Variants in GALNT9 observed in about 807,000 individuals in gnomAD.
GALNT9 encodes the protein polypeptide N-acetylgalactosaminyltransferase 9.
In GALNT9, 47 loss-of-function variants were observed where a neutral mutation model predicts 63.1. The observed-to-expected ratio is 0.75, with a 90% CI of 0.59 to 0.95. The LOEUF (loss-of-function observed/expected upper bound fraction) is 0.95, where lower values mean the gene tolerates loss of function less well. Ranked by LOEUF, GALNT9 falls within the 40% of genes least tolerant of loss-of-function variation. GALNT9 has a pLI of 0.00. For synonymous variants in GALNT9, 396 were observed against 365.7 expected (o/e 1.08, Z -0.94); for missense variants, 829 against 874.8 (o/e 0.95, Z 0.66).
intron 4 of GALNT9, among the ~76,000 whole-genome samples, chr12:132,259,471 C>A (rs924386677): frequency 1.3e-5 from 2 of 152,196 alleles, no homozygotes; most frequent in Non-Finnish European, 2.9e-5. Flanking sequence ...AAGGAAAGCG[C>A]CCTGCGGAGG....
chr12:132,287,239 C>A (rs1017571410), intron 1 of GALNT9, among the ~76,000 whole-genome samples: 1 of 152,348 alleles, frequency 6.6e-6, no homozygotes, highest in East Asian at 1.9e-4. Flanking sequence ...CACACACGTT[C>A]ACGCCCAGGC....
At chr12:132,203,806 A>C in intron 6 of GALNT9, 116 bp from the exon 7 acceptor site, 3 of 1,110,404 alleles carry the variant, frequency 2.7e-6, no homozygotes, top group Admixed American at 2.7e-5. Flanking sequence ...GGGCACCCCC[A>C]CCACCGACGG....
rs1335040003 is a variant in GALNT9 at position 132,315,121 on chromosome 12, G to A, written c.238+13845C>T. Among the ~76,000 whole-genome samples, 4 of 152,200 alleles carry A rather than the reference G, an allele frequency of 2.6e-5. No individual in the cohort carries two copies. Among genetic ancestry groups the A allele is most frequent in the South Asian group, 2.1e-4 (1 of 4,830 alleles). On this transcript the variant is annotated intron_variant, in intron 1 of 10. Transcript: ENST00000328957. This position sits in a 1 kb window ranked among gnomAD's most constrained non-coding sequence, Gnocchi z 6.1. ...TGGCCCAGGGGGAGGTGGTGGGGCC[G>A]GGCTCTGAGTCCAGGCGGCCCAGCG...
At chr12:132,262,646 G>A in intron 2 of GALNT9, 21 bp from the exon 3 acceptor site, 1 of 1,502,970 alleles carries the variant, frequency 6.7e-7, no homozygotes, top group Non-Finnish European at 9.0e-7. Context: ...CACGGTTTGG[G>A]GTGCGGTCAG....
At chr12:132,239,337 GTCAGAGAC>G (rs1878130434) in intron 6 of GALNT9, among the ~76,000 whole-genome samples, 1 of 71,784 alleles carries the variant, frequency 1.4e-5, no homozygotes, top group Non-Finnish European at 2.6e-5. Flanking sequence ...GAGAGACAGA[GTCAGAGAC>G]AGAGTCAGAG....
At chr12:132,292,416 A>T (rs1555242872) in intron 1 of GALNT9, among the ~76,000 whole-genome samples, 3 of 152,154 alleles carry the variant, frequency 2.0e-5, no homozygotes, top group African/African-American at 7.2e-5. Flanking sequence ...AGAGATGCCG[A>T]GCCACAGACA....
At chr12:132,309,005 C>T (rs962771849) in intron 1 of GALNT9, among the ~76,000 whole-genome samples, 6 of 152,214 alleles carry the variant, frequency 3.9e-5, no homozygotes, top group African/African-American at 7.2e-5. Flanking sequence ...CTGACAACCC[C>T]GCCCCTCTGC....
chr12:132,238,117 C>T lies in GALNT9; in HGVS notation c.1077+9793G>A, dbSNP rs1175561715. Among the ~76,000 whole-genome samples, 1 of 152,194 alleles carries T rather than the reference C, an allele frequency of 6.6e-6. No homozygotes were observed. Among genetic ancestry groups the T allele is most frequent in the Non-Finnish European group, 1.5e-5 (1 of 68,036 alleles). ...CGCCACGAATTCCACAGCTCGGTGGCTTGAAGGACATAGTCATGACCTTAC... is the reference window on the plus strand; with the variant it reads ...CGCCACGAATTCCACAGCTCGGTGGTTTGAAGGACATAGTCATGACCTTAC... On this transcript the variant is annotated intron_variant, in intron 6 of 10. Transcript: ENST00000328957. This position sits in a 1 kb window ranked among gnomAD's most constrained non-coding sequence, Gnocchi z 6.5.
At chr12:132,311,404 A>C (rs1881808402) in intron 1 of GALNT9, among the ~76,000 whole-genome samples, 3 of 152,170 alleles carry the variant, frequency 2.0e-5, no homozygotes, top group African/African-American at 7.2e-5. Context: ...CAGCACGGGC[A>C]GGGGCAGCAG....
At chr12:132,293,195 G>A (rs1269154957) in intron 1 of GALNT9, among the ~76,000 whole-genome samples, 1 of 152,216 alleles carries the variant, frequency 6.6e-6, no homozygotes, top group African/African-American at 2.4e-5. Context: ...AGGCTGCAGG[G>A]AAGGGGCCTC....
intron 1 of GALNT9, among the ~76,000 whole-genome samples, chr12:132,299,737 A>C (rs543721200): frequency 2.2e-5 from 3 of 133,462 alleles, no homozygotes; most frequent in African/African-American, 8.5e-5. Flanking sequence ...CATGATAACT[A>C]ACCCACTCCC....
At chr12:132,210,874 T>G (rs1876929581) in intron 6 of GALNT9, among the ~76,000 whole-genome samples, 1 of 148,716 alleles carries the variant, frequency 6.7e-6, no homozygotes, top group Admixed American at 6.7e-5. Flanking sequence ...CATCTGGAGG[T>G]CGCCGTCTGG....
At chr12:132,277,989 G>GC (rs1220911554) in intron 2 of GALNT9, 2 of 38,848 alleles carry the variant, frequency 5.1e-5, no homozygotes, top group Admixed American at 2.2e-4. Context: ...CCCTCCCCCC[G>GC]CCCCGGCCCC....
At chr12:132,244,614 T>G (rs1322122855) in intron 6 of GALNT9, among the ~76,000 whole-genome samples, 1 of 9,682 alleles carries the variant, frequency 1.0e-4, no homozygotes, top group Admixed American at 1.1e-3. Flanking sequence ...CGGGGGGGCG[T>G]GGTGATGGGG....
intron 1 of GALNT9, among the ~76,000 whole-genome samples, chr12:132,302,393 C>T (rs1881331827): frequency 6.6e-6 from 1 of 152,330 alleles, no homozygotes; most frequent in South Asian, 2.1e-4. Flanking sequence ...CTGCCGCCTG[C>T]ATTCTGTTTT....
At chr12:132,213,681 A>G (rs1471641115) in intron 6 of GALNT9, among the ~76,000 whole-genome samples, 1 of 152,206 alleles carries the variant, frequency 6.6e-6, no homozygotes, top group Non-Finnish European at 1.5e-5. Flanking sequence ...GTGAGCACCT[A>G]GGGGTTCTGG....
intron 1 of GALNT9, among the ~76,000 whole-genome samples, chr12:132,291,670 TCCACGGTGCCCACATCCACAGC>T (rs1555242791): frequency 1.0e-5 from 1 of 98,456 alleles, no homozygotes; most frequent in African/African-American, 4.7e-5. Flanking sequence ...ACCGCCCACA[TCCACGGTGCCCACATCCACAGC>T]GCCCACATCC....
At position 132,286,377 on chromosome 12, in the gene GALNT9, C is replaced by A. The variant is rs1156377504; in HGVS notation, c.292G>T (p.Gly98Cys). Residue 98 changes from glycine (G) to cysteine (C), a missense_variant, in exon 2 of 11, where the codon GGC becomes TGC. By Grantham distance (159) the Gly-to-Cys change is radical (BLOSUM62 -3). Coordinates refer to ENST00000328957, the MANE Select transcript of GALNT9 (RefSeq NM_001122636.2). The surrounding 1 kb of genome is among the most constrained non-coding windows in gnomAD (Gnocchi z 7.4). The part of the protein sequence containing the change: ...VEGPGGLGQG[G>C]LAATLRDDGQ... The stretch of plus-strand genomic sequence containing the variant: ...TCATCACGCAGGGTGGCCGCCAAGC[C>A]ACCCTGGCCCAGGCCTCCTGGCCCC... 1.3e-6 allele frequency: 2 copies of A among 1,550,758 alleles called. No individual in the cohort carries two copies. The highest frequency in any genetic ancestry group is 1.7e-6 in the Non-Finnish European group (2 of 1,146,850).
intron 4 of GALNT9, among the ~76,000 whole-genome samples, chr12:132,258,433 C>T (rs187382260): frequency 6.6e-6 from 1 of 152,276 alleles, no homozygotes; most frequent in Admixed American, 6.5e-5. Flanking sequence ...CCACCAGGCA[C>T]CGTTGTGCAG....
Sources: gnomAD v4.1 joint callset for allele counts (sites outside exome capture counted in the v4.1 genomes callset) on GRCh38, gnomAD v4.1.1 for gene constraint, Gnocchi (gnomAD v3.1) non-coding constraint, MANE v1.5 for transcripts, NCBI Gene and HGNC (gene_info 2026-07-23, HGNC 2026-07-21) for gene names.